Variants in CHSY3 observed in about 807,000 individuals in gnomAD.
CHSY3 encodes N-acetylgalactosaminyl-proteoglycan 3-beta-glucuronosyltransferase 3.
Under a neutral mutation model 67.2 loss-of-function variants are expected in CHSY3, and 35 were observed. That is an observed-to-expected ratio of 0.52 (90% CI 0.40 to 0.69). CHSY3 has a LOEUF of 0.69. Among genes scored for constraint, CHSY3 ranks in the 30% least tolerant of loss-of-function variants. The probability of loss-of-function intolerance (pLI) is 0.00; values close to 1 mark genes in which losing one functional copy is unlikely to be tolerated. For missense variants in CHSY3, 1,069 were observed against 1,138.5 expected (o/e 0.94, Z 0.88); for synonymous variants, 474 against 434.7 (o/e 1.09, Z -1.12).
intron 2 of CHSY3, among the ~76,000 whole-genome samples, chr5:130,099,850 C>A (rs958867361): frequency 6.6e-6 from 1 of 152,132 alleles, no homozygotes; most frequent in Non-Finnish European, 1.5e-5. Context: ...GCTTTCAGAG[C>A]TGACTGTTCA....
intron 2 of CHSY3, among the ~76,000 whole-genome samples, chr5:130,011,414 A>G (rs916760248): frequency 3.9e-5 from 6 of 152,192 alleles, no homozygotes. Flanking sequence ...CTTTCAATAA[A>G]ATTCAACATT....
chr5:129,971,006 C>T (rs957786330), intron 2 of CHSY3, among the ~76,000 whole-genome samples: 2 of 151,764 alleles, frequency 1.3e-5, no homozygotes, highest in African/African-American at 2.4e-5. Flanking sequence ...TAGTATGTGC[C>T]TATAAATGTA....
chr5:130,119,033 G>T (rs1410765076), intron 2 of CHSY3, among the ~76,000 whole-genome samples: 1 of 152,106 alleles, frequency 6.6e-6, no homozygotes, highest in Admixed American at 6.5e-5. Context: ...CACTGTTAAT[G>T]ACTTAGAGGC....
At chr5:129,979,447 TC>T (rs1183522695) in intron 2 of CHSY3, among the ~76,000 whole-genome samples, 1 of 152,064 alleles carries the variant, frequency 6.6e-6, no homozygotes, top group Admixed American at 6.6e-5. Flanking sequence ...ATTCTGGCCT[TC>T]CTTTTTTTTT....
chr5:130,127,360 C>T (rs775359380), intron 2 of CHSY3, among the ~76,000 whole-genome samples: 19 of 152,144 alleles, frequency 1.2e-4, no homozygotes, highest in Non-Finnish European at 2.5e-4. Context: ...AGTGAAGAAG[C>T]ATATCCTCCT....
At position 130,097,862 on chromosome 5, in the gene CHSY3, C is replaced by T. The variant is rs183855391; in HGVS notation, c.1087-86367C>T. Among the ~76,000 whole-genome samples the T allele has an allele frequency of 5.8e-4, 88 of 152,024 alleles. 4 individuals are homozygous for T. The East Asian group carries it at 0.016, about 28-fold the overall frequency. On this transcript the variant is annotated intron_variant, in intron 2 of 2. Coordinates refer to ENST00000305031, the MANE Select transcript of CHSY3 (RefSeq NM_175856.5). ...ACTAAAAATACAAAAAGAAATTAGC[C>T]GGGCATGGTGGTGGGCGCCTGTAGT...
chr5:129,971,266 AT>A (rs199733327), intron 2 of CHSY3, among the ~76,000 whole-genome samples: 1,794 of 151,946 alleles, frequency 0.012, 29 homozygotes, highest in African/African-American at 0.04. Context: ...GATAATAGAT[AT>A]TCAATTAATT....
At chr5:130,180,390 T>C (rs1431880882) in intron 2 of CHSY3, among the ~76,000 whole-genome samples, 4 of 152,174 alleles carry the variant, frequency 2.6e-5, no homozygotes, top group African/African-American at 9.7e-5. Flanking sequence ...ATTTTCTTCA[T>C]ATATATATTA....
rs571004361 is a variant in CHSY3, at chr5:130,049,572, G to A, written c.1087-134657G>A. On this transcript the variant is annotated intron_variant, in intron 2 of 2. Transcript: ENST00000305031. ...CTTTAAATATCTTTTATTTGAAGCAGAGGCTGTCAACTACTCTAGTAACAA... is the reference window on the plus strand; with the variant it reads ...CTTTAAATATCTTTTATTTGAAGCAAAGGCTGTCAACTACTCTAGTAACAA... 1.6e-4 allele frequency among the ~76,000 whole-genome samples: 24 copies of A among 152,168 alleles called. No individual in the cohort carries two copies. In the East Asian group the frequency reaches 2.9e-3, roughly 18 times the overall value.
At chr5:130,180,627 A>T (rs1227368938) in intron 2 of CHSY3, among the ~76,000 whole-genome samples, 1 of 152,006 alleles carries the variant, frequency 6.6e-6, no homozygotes, top group Non-Finnish European at 1.5e-5. Context: ...CTGAGGTGGG[A>T]GGATCACTTG....
At chr5:129,908,736 TTTTTA>T (rs934233479) in intron 2 of CHSY3, among the ~76,000 whole-genome samples, 53 of 152,302 alleles carry the variant, frequency 3.5e-4, no homozygotes, top group Middle Eastern at 3.4e-3. Flanking sequence ...GTACTGTGCC[TTTTTA>T]TTTTATTTTA....
chr5:130,151,389 A>G (rs908313306), intron 2 of CHSY3, among the ~76,000 whole-genome samples: 1 of 152,216 alleles, frequency 6.6e-6, no homozygotes, highest in Non-Finnish European at 1.5e-5. Flanking sequence ...GATCCAATGA[A>G]CAGCATGAAC....
chr5:130,057,892 C>A (rs946094866), intron 2 of CHSY3, among the ~76,000 whole-genome samples: 1 of 151,256 alleles, frequency 6.6e-6, no homozygotes, highest in African/African-American at 2.5e-5. Context: ...TCAACACATA[C>A]ATGCACACAG....
intron 2 of CHSY3, among the ~76,000 whole-genome samples, chr5:130,015,028 G>A (rs761960164): frequency 7.9e-5 from 12 of 152,164 alleles, no homozygotes; most frequent in Non-Finnish European, 1.5e-4. Context: ...CAAATCTCAT[G>A]TTGAATTGTA....
intron 2 of CHSY3, among the ~76,000 whole-genome samples, chr5:129,983,065 A>G (rs1036601642): frequency 3.3e-5 from 5 of 150,504 alleles, no homozygotes; most frequent in Non-Finnish European, 5.9e-5. Context: ...GTGAAGCATA[A>G]TACTTGTTTC....
At position 130,185,550 on chromosome 5, in the gene CHSY3, G is replaced by T. The variant is rs762649902; in HGVS notation, c.2408G>T (p.Trp803Leu). The change falls in exon 3 of 3, where the codon TGG becomes TTG. Residue 803 changes from tryptophan (W) to leucine (L), a missense_variant. Around this residue, in one of 5 missense-constraint regions of CHSY3, gnomAD observed 139 missense variants for 152.8 expected, o/e 0.91. Transcript: ENST00000305031. ...GGATTTGATACCTCAATACAAGGCT[G>T]GGGACTAGAAGATGTAGATCTCTAC... The part of the protein sequence containing the change: ...AGGFDTSIQG[W>L]GLEDVDLYNK... 1 of 1,614,086 alleles carries T rather than the reference G, an allele frequency of 6.2e-7. No individual in the cohort carries two copies. Among genetic ancestry groups the T allele is most frequent in the East Asian group, 2.2e-5 (1 of 44,874 alleles).
intron 2 of CHSY3, among the ~76,000 whole-genome samples, chr5:130,078,592 T>G (rs1477136644): frequency 6.6e-6 from 1 of 152,194 alleles, no homozygotes; most frequent in Non-Finnish European, 1.5e-5. Flanking sequence ...ATTATTTGTA[T>G]TTATTGCTCT....
chr5:129,915,868 G>T (rs1760715332), intron 2 of CHSY3, among the ~76,000 whole-genome samples: 1 of 152,098 alleles, frequency 6.6e-6, no homozygotes, highest in African/African-American at 2.4e-5. Context: ...AACTTCTTTC[G>T]ATACTGAGAC....
chr5:130,141,102 T>A (rs17165575), intron 2 of CHSY3: 2,914 of 269,752 alleles, frequency 0.011, 56 homozygotes, highest in African/African-American at 0.043. Context: ...ATGAGCTGAA[T>A]GAGTATCAAG....
Sources: allele counts gnomAD v4.1 joint callset (sites outside exome capture counted in the v4.1 genomes callset), GRCh38; gene constraint gnomAD v4.1.1; regional missense constraint gnomAD v4.1.1; transcripts MANE v1.5; gene names NCBI Gene and HGNC (gene_info 2026-07-23, HGNC 2026-07-21).